Variants in MEIOSIN observed in about 807,000 individuals in gnomAD.
The protein encoded by MEIOSIN is meiosis initiator, also known as meiosis initiator protein.
A neutral mutation model predicts 23.4 loss-of-function variants in MEIOSIN; 18 were observed. The ratio of observed to expected loss-of-function variants is 0.77; its 90% CI spans 0.53 to 1.14. The LOEUF (loss-of-function observed/expected upper bound fraction) is 1.14. Among genes scored for constraint, MEIOSIN ranks in the 50% most tolerant of loss-of-function variants. MEIOSIN has a pLI of 0.00. For synonymous variants in MEIOSIN, 187 were observed against 100.6 expected (o/e 1.86, Z -5.14); for missense variants, 428 against 242.9 (o/e 1.76, Z -5.07).
intron 4 of MEIOSIN, among the ~76,000 whole-genome samples, chr19:45,746,926 G>A (rs1161346061): frequency 2.0e-5 from 3 of 152,168 alleles, no homozygotes; most frequent in East Asian, 1.9e-4. Flanking sequence ...CTAGGACATG[G>A]ACATCTTTGG....
At chr19:45,746,399 C>G (rs1331603898) in intron 4 of MEIOSIN, among the ~76,000 whole-genome samples, 1 of 152,162 alleles carries the variant, frequency 6.6e-6, no homozygotes, top group Non-Finnish European at 1.5e-5. Context: ...TCCCTCAAAG[C>G]CAGCATGGAA....
At chr19:45,761,270 G>A (rs1255344175) in intron 11 of MEIOSIN, among the ~76,000 whole-genome samples, 5 of 151,504 alleles carry the variant, frequency 3.3e-5, no homozygotes, top group African/African-American at 4.9e-5. Context: ...GACTACAGGC[G>A]CCCACCAACA....
chr19:45,749,613 A>G (rs1303008763), intron 4 of MEIOSIN, among the ~76,000 whole-genome samples: 1 of 133,918 alleles, frequency 7.5e-6, no homozygotes, highest in Non-Finnish European at 1.5e-5. Flanking sequence ...CGGAGCTTGC[A>G]GTGAGCCAAG....
At chr19:45,751,272 AAAT>A (rs145142679) in intron 5 of MEIOSIN, among the ~76,000 whole-genome samples, 4,911 of 136,368 alleles carry the variant, frequency 0.036, 202 homozygotes, top group African/African-American at 0.1. Context: ...ACTGTGTCTC[AAAT>A]AATAATAATA....
chr19:45,762,592 G>T (rs558983901), intron 13 of MEIOSIN, among the ~76,000 whole-genome samples: 2 of 151,958 alleles, frequency 1.3e-5, no homozygotes, highest in African/African-American at 4.8e-5. Context: ...GGGATAACAG[G>T]CGCGCCATCA....
At chr19:45,744,701 G>A (rs1252811962) in intron 3 of MEIOSIN, among the ~76,000 whole-genome samples, 5 of 151,156 alleles carry the variant, frequency 3.3e-5, no homozygotes, top group African/African-American at 1.2e-4. Context: ...TCCACCTCCC[G>A]GGTTCAAGGG....
At chr19:45,758,706 G>C (rs928380608) in intron 9 of MEIOSIN, among the ~76,000 whole-genome samples, 172 bp from the exon 10 acceptor site, 1 of 152,256 alleles carries the variant, frequency 6.6e-6, no homozygotes, top group Non-Finnish European at 1.5e-5. Flanking sequence ...CTGGGTTACA[G>C]GCGTGAGCCA....
chr19:45,760,532 G>A (rs1179191661), intron 11 of MEIOSIN, among the ~76,000 whole-genome samples: 1 of 151,912 alleles, frequency 6.6e-6, no homozygotes, highest in Non-Finnish European at 1.5e-5. Flanking sequence ...CTTAAACCTG[G>A]GAGGCGGGGG....
At chr19:45,755,546 A>G (rs979410192) in intron 7 of MEIOSIN, among the ~76,000 whole-genome samples, 1 of 152,062 alleles carries the variant, frequency 6.6e-6, no homozygotes, top group African/African-American at 2.4e-5. Flanking sequence ...TCTACCTCCC[A>G]GGTTCAAACA....
At chr19:45,750,812 G>A (rs117516680) in intron 5 of MEIOSIN, 26 bp downstream of exon 5, 12,274 of 583,664 alleles carry the variant, frequency 0.021, 187 homozygotes, top group Non-Finnish European at 0.027. Context: ...AGTGTTTCCT[G>A]GTGCCTGTGA....
At chr19:45,734,772 T>A (rs1397261146) in intron 1 of MEIOSIN, among the ~76,000 whole-genome samples, 2 of 151,016 alleles carry the variant, frequency 1.3e-5, no homozygotes, top group Non-Finnish European at 1.5e-5. Context: ...CCCAAAGTGC[T>A]AGGATTACAG....
chr19:45,747,817 T>C (rs1968621806), intron 4 of MEIOSIN, among the ~76,000 whole-genome samples: 2 of 152,124 alleles, frequency 1.3e-5, no homozygotes, highest in African/African-American at 4.8e-5. Flanking sequence ...GATTCAGATG[T>C]GGCCAGGCAC....
At chr19:45,750,360 C>CTTT (rs11295860) in intron 4 of MEIOSIN, among the ~76,000 whole-genome samples, 1 of 98,526 alleles carries the variant, frequency 1.0e-5, no homozygotes, top group African/African-American at 3.8e-5. Context: ...TTTTCTTTTT[C>CTTT]TTTTTTTTTT....
In MEIOSIN at chr19:45,739,736, G is replaced by T. The variant is rs1160028642; in HGVS notation, c.176+6G>T. 2 of 703,508 alleles carry T rather than the reference G, an allele frequency of 2.8e-6. No homozygotes were observed. The allele number at this position is 703,508 out of a possible 1,614,324, so 43.6% of individuals were successfully genotyped here. A position where few individuals can be genotyped will look rare whatever the true frequency, so the allele number is the denominator to read the frequency against. ...TTGCTCAAAGGAAAACTGAGGTACT[G>T]TTAACAGAAAAGGGGGGATTGGATG... is the stretch of plus-strand genomic sequence containing the variant. On this transcript the variant is annotated splice_donor_region_variant and intron_variant, in intron 3 of 14. Transcript: ENST00000457052.
In MEIOSIN at chr19:45,759,432, T is replaced by C; in HGVS notation, c.1187T>C (p.Val396Ala). The C allele has an allele frequency of 1.4e-6, 1 of 703,506 alleles. No homozygotes were observed. The highest frequency in any genetic ancestry group is 2.6e-6 in the Non-Finnish European group (1 of 385,086). 43.6% of individuals were successfully genotyped at this position (703,506 alleles called of 1,614,324 possible). ...YLTQAAFFEE[V>A]CLDLESSPSA... The stretch of plus-strand genomic sequence containing the variant: ...TCCCTAGCGGCTTTCTTTGAAGAAG[T>C]GTGCTTAGATCTGGAGTCTTCACCT... The change falls in exon 11 of 15, where the codon GTG becomes GCG. Residue 396 changes from valine to alanine, a missense_variant. Coordinates refer to ENST00000457052, the MANE Select transcript of MEIOSIN (RefSeq NM_001310124.2).
At position 45,750,749 on chromosome 19, in the gene MEIOSIN, C is replaced by A; in HGVS notation, c.381C>A (p.Phe127Leu). Residue 127 changes from phenylalanine (F) to leucine (L), a missense_variant, in exon 5 of 15, where the codon TTC (phenylalanine) becomes TTA (leucine). By Grantham distance (22) the Phe-to-Leu change is conservative (BLOSUM62 0). Transcript: ENST00000457052. Reference protein sequence around the residue: ...QRNIDAAKALFKCHITTGEGG... With the variant: ...QRNIDAAKALLKCHITTGEGG... ...ACATCGATGCCGCCAAGGCCTTGTT[C>A]AAATGCCACATCACCACTGGGGAAG... The A allele has an allele frequency of 1.5e-6, 1 of 650,072 alleles. No homozygotes were observed. The highest frequency in any genetic ancestry group is 1.7e-5 in the South Asian group (1 of 58,548). 40.3% of individuals were successfully genotyped at this position (650,072 alleles called of 1,614,324 possible).
chr19:45,754,384 T>C, intron 6 of MEIOSIN, 95 bp from the exon 7 acceptor site: 1 of 622,556 alleles, frequency 1.6e-6, no homozygotes, highest in South Asian at 1.9e-5. Flanking sequence ...GGCATAGCTT[T>C]GACACTGACA....
At chr19:45,756,980 C>T (rs2146195711) in intron 8 of MEIOSIN, among the ~76,000 whole-genome samples, 197 bp from the exon 9 acceptor site, 2 of 152,326 alleles carry the variant, frequency 1.3e-5, no homozygotes, top group Non-Finnish European at 1.5e-5. Context: ...CATCCTCCAG[C>T]GCCCTCGGTC....
chr19:45,757,674 C>T (rs1392122521), intron 9 of MEIOSIN, among the ~76,000 whole-genome samples: 1 of 152,114 alleles, frequency 6.6e-6, no homozygotes, highest in East Asian at 1.9e-4. Context: ...GTGCCCACCA[C>T]CATGCCCAGC....
Sources: gnomAD v4.1 joint callset for allele counts (sites outside exome capture counted in the v4.1 genomes callset) on GRCh38, gnomAD v4.1.1 for gene constraint, MANE v1.5 for transcripts, NCBI Gene and HGNC (gene_info 2026-07-23, HGNC 2026-07-21) for gene names.